Variants in AGBL3 observed in about 807,000 individuals in gnomAD.
AGBL3 encodes AGBL carboxypeptidase 3.
Under a neutral mutation model 94.5 loss-of-function variants are expected in AGBL3, and 68 were observed. That is an observed-to-expected ratio of 0.72 (90% CI 0.59 to 0.88). The LOEUF is 0.88. AGBL3 is among the 40% of genes least tolerant of loss of function. AGBL3 has a pLI of 0.00. For missense variants in AGBL3, 934 were observed against 1,103.8 expected, an observed-to-expected ratio of 0.85 and a Z score of 2.18; for synonymous variants, 354 against 370.7, an observed-to-expected ratio of 0.95 and a Z score of 0.52.
chr7:135,069,499 A>G (rs2116768503), intron 12 of AGBL3, among the ~76,000 whole-genome samples: 1 of 152,346 alleles, frequency 6.6e-6, no homozygotes, highest in South Asian at 2.1e-4. Context: ...AGCAAATGTA[A>G]AAGAACAGAA....
intron 5 of AGBL3, among the ~76,000 whole-genome samples, chr7:135,024,652 T>C (rs1345484800): frequency 1.3e-5 from 2 of 152,134 alleles, no homozygotes; most frequent in South Asian, 4.1e-4. Context: ...CAGATTGAAA[T>C]GACTGAAATG....
chr7:134,998,090 A>C (rs1811229466), intron 4 of AGBL3, among the ~76,000 whole-genome samples: 1 of 152,210 alleles, frequency 6.6e-6, no homozygotes, highest in Non-Finnish European at 1.5e-5. Flanking sequence ...TACCTAAGGG[A>C]GAGGAATCAT....
At chr7:135,033,028 T>C in intron 6 of AGBL3, 46 bp downstream of exon 6, 1 of 1,468,896 alleles carries the variant, frequency 6.8e-7, no homozygotes, top group Admixed American at 2.5e-5. Context: ...CATCAACTAT[T>C]ATTTTCTGTA....
intron 1 of AGBL3, 91 bp downstream of exon 1, chr7:134,986,792 G>C (rs1365126750): frequency 6.6e-6 from 1 of 152,322 alleles, no homozygotes. Flanking sequence ...CCAGGAGTGA[G>C]TGCGGGAAGG....
intron 13 of AGBL3, 25 bp from the exon 14 acceptor site, chr7:135,080,178 T>A: frequency 6.6e-7 from 1 of 1,513,366 alleles, no homozygotes; most frequent in Non-Finnish European, 9.0e-7. Context: ...ATAGCATTGT[T>A]TTCTTTGATT....
At chr7:135,021,650 T>A (rs914160261) in intron 5 of AGBL3, among the ~76,000 whole-genome samples, 8 of 128,764 alleles carry the variant, frequency 6.2e-5, no homozygotes, top group South Asian at 2.8e-4. Flanking sequence ...ACACAGCATA[T>A]CATTGGGATT....
At chr7:135,044,729 A>T (rs2116558488) in intron 9 of AGBL3, among the ~76,000 whole-genome samples, 1 of 152,038 alleles carries the variant, frequency 6.6e-6, no homozygotes, top group South Asian at 2.1e-4. Flanking sequence ...TATTATTATT[A>T]TACTTTAAGT....
At chr7:135,115,693 C>A in intron 16 of AGBL3, 82 bp downstream of exon 16, 3 of 1,176,882 alleles carry the variant, frequency 2.5e-6, no homozygotes, top group South Asian at 1.8e-5. Flanking sequence ...TATTATCCTA[C>A]GAAAAAAAAA....
intron 3 of AGBL3, among the ~76,000 whole-genome samples, chr7:134,991,232 G>A (rs1810229034): frequency 6.7e-6 from 1 of 150,108 alleles, no homozygotes; most frequent in Non-Finnish European, 1.5e-5. Context: ...TTTCAGTTAA[G>A]TTTTCATAGT....
At chr7:135,128,439 T>G (rs1828259739) in intron 16 of AGBL3, 2 of 701,484 alleles carry the variant, frequency 2.9e-6, no homozygotes, top group East Asian at 5.2e-5. Flanking sequence ...CCTCAGAAAA[T>G]TAAATGTCAG....
At position 135,034,284 on chromosome 7, in the gene AGBL3, T is replaced by G; in HGVS notation, c.693T>G (p.Pro231=). The change falls in exon 7 of 17, where the codon CCT becomes CCG. Residue 231 remains proline, a synonymous_variant. Transcript: ENST00000436302. The part of the protein sequence containing the change: ...YRFTIVNFTK[P]ASLYSRGMRP... Reference sequence around the variant, plus strand: ...TCACTATTGTCAACTTCACCAAACCTGCTAGTCTTTACAGTCGGGGTATGC... The same window carrying G: ...TCACTATTGTCAACTTCACCAAACCGGCTAGTCTTTACAGTCGGGGTATGC... 1 of 1,551,768 alleles carries G rather than the reference T, an allele frequency of 6.4e-7. No homozygotes were observed. The highest frequency in any genetic ancestry group is 8.7e-7 in the Non-Finnish European group (1 of 1,147,006).
intron 3 of AGBL3, among the ~76,000 whole-genome samples, chr7:134,990,167 A>AC (rs760095848): frequency 3.9e-5 from 6 of 152,158 alleles, no homozygotes; most frequent in Admixed American, 6.5e-5. Flanking sequence ...TAATCCCTTT[A>AC]TGTTGCTTCC....
chr7:135,064,162 T>C (rs1819078325), intron 12 of AGBL3, among the ~76,000 whole-genome samples: 1 of 152,144 alleles, frequency 6.6e-6, no homozygotes, highest in South Asian at 2.1e-4. Flanking sequence ...ATAGTGAACA[T>C]TTAGGAACAA....
rs778046559 is a variant in AGBL3, at chr7:135,135,098, G to A, written c.2600G>A (p.Gly867Glu). The change falls in exon 17 of 17, where the codon GGA becomes GAA. Residue 867 changes from glycine to glutamate, a missense_variant. Gly to Glu is a moderately conservative substitution (Grantham distance 98). Transcript: ENST00000436302. The stretch of plus-strand genomic sequence containing the variant: ...TGGGAGACTGCTTCTTCAAGCTTTG[G>A]AATGGATGCAAATGTTCTAAAATAT... ...SKWETASSSF[G>E]MDANVLKYKS... 1 of 1,551,222 alleles carries A rather than the reference G, an allele frequency of 6.4e-7. No individual in the cohort carries two copies. Among genetic ancestry groups the A allele is most frequent in the Non-Finnish European group, 8.7e-7 (1 of 1,146,666 alleles).
At chr7:134,993,987 A>G (rs1484431622) in intron 4 of AGBL3, among the ~76,000 whole-genome samples, 1 of 152,266 alleles carries the variant, frequency 6.6e-6, no homozygotes, top group Middle Eastern at 3.2e-3. Flanking sequence ...GAGATCAGCC[A>G]CATTTCAAGT....
intron 5 of AGBL3, 109 bp downstream of exon 5, chr7:135,017,268 C>A: frequency 2.6e-6 from 2 of 775,894 alleles, no homozygotes; most frequent in South Asian, 1.5e-5. Flanking sequence ...ATGACCAGTC[C>A]CTAAACATAA....
intron 15 of AGBL3, among the ~76,000 whole-genome samples, chr7:135,100,695 G>A (rs1823702580): frequency 6.6e-6 from 1 of 152,102 alleles, no homozygotes; most frequent in Non-Finnish European, 1.5e-5. Flanking sequence ...TCTAGAATTG[G>A]TTATTTTAAA....
chr7:135,040,641 C>T (rs950124082), intron 8 of AGBL3, among the ~76,000 whole-genome samples: 3 of 151,708 alleles, frequency 2.0e-5, no homozygotes, highest in Non-Finnish European at 1.5e-5. Flanking sequence ...TGATAAAGGA[C>T]ATCTACAAGA....
chr7:135,132,585 G>A (rs1828924354), intron 16 of AGBL3, among the ~76,000 whole-genome samples: 1 of 152,128 alleles, frequency 6.6e-6, no homozygotes, highest in Admixed American at 6.6e-5. Flanking sequence ...ACCTTTAATT[G>A]TAATAATCCC....
Sources: gnomAD v4.1 joint callset for allele counts (sites outside exome capture counted in the v4.1 genomes callset) on GRCh38, gnomAD v4.1.1 for gene constraint, MANE v1.5 for transcripts, NCBI Gene and HGNC (gene_info 2026-07-23, HGNC 2026-07-21) for gene names.